TXN2: variants seen among roughly 807,000 people sequenced by gnomAD.
The protein encoded by TXN2 is thioredoxin, mitochondrial.
TXN2 carries 12 observed loss-of-function variants against 14.6 expected under a neutral mutation model. That is an observed-to-expected ratio of 0.82 (90% CI 0.53 to 1.33). TXN2 has a LOEUF of 1.33. Ranked by LOEUF, TXN2 falls within the 40% of genes most tolerant of loss-of-function variation. The pLI is 0.00. For missense variants in TXN2, 173 were observed against 207.7 expected (o/e 0.83, Z 1.03); for synonymous variants, 89 against 81.0 (o/e 1.10, Z -0.53).
At chr22:36,474,380 C>A (rs948627055) in intron 3 of TXN2, among the ~76,000 whole-genome samples, 13 of 152,304 alleles carry the variant, frequency 8.5e-5, no homozygotes, top group African/African-American at 2.9e-4. Context: ...GCTCAAGGGG[C>A]GGCCAGCCTG....
At chr22:36,475,373 T>C (rs1004911775) in intron 3 of TXN2, among the ~76,000 whole-genome samples, 1 of 152,218 alleles carries the variant, frequency 6.6e-6, no homozygotes, top group African/African-American at 2.4e-5. Context: ...AGCAAAACTC[T>C]GTCTCGAAAA....
chr22:36,475,675 C>A (rs1298533927), intron 3 of TXN2, among the ~76,000 whole-genome samples: 1 of 152,100 alleles, frequency 6.6e-6, no homozygotes, highest in Non-Finnish European at 1.5e-5. Context: ...GTTTGCTGAC[C>A]CTTGATTTAA....
intron 3 of TXN2, 91 bp downstream of exon 3, chr22:36,476,642 G>T: frequency 6.5e-7 from 1 of 1,542,030 alleles, no homozygotes. Flanking sequence ...CTGGCTACCT[G>T]TGCTCCCCAA....
At chr22:36,479,252 C>G (rs1933448336) in intron 2 of TXN2, among the ~76,000 whole-genome samples, 1 of 152,018 alleles carries the variant, frequency 6.6e-6, no homozygotes, top group Admixed American at 6.5e-5. Flanking sequence ...CCCAAGGCCA[C>G]AGGGTGAGTC....
intron 1 of TXN2, 62 bp from the exon 2 acceptor site, chr22:36,480,899 G>C: frequency 6.7e-7 from 1 of 1,501,712 alleles, no homozygotes; most frequent in East Asian, 2.3e-5. Context: ...ACTAGAAAAA[G>C]ATTTGGGGAG....
At position 36,467,588 on chromosome 22, in the gene TXN2, G is replaced by A. The variant is rs949741243; in HGVS notation, c.*216C>T. 3.8e-5 allele frequency: 21 copies of A among 548,148 alleles called. No individual in the cohort carries two copies. The highest frequency in any genetic ancestry group is 1.0e-3 in the Middle Eastern group (2 of 2,006). The allele number at this position is 548,148 out of a possible 1,614,324, so 34.0% of individuals were successfully genotyped here. A position where few individuals can be genotyped will look rare whatever the true frequency, so the allele number is the denominator to read the frequency against. On this transcript the variant is annotated 3_prime_UTR_variant, in exon 4 of 4. Transcript: ENST00000216185. ...AGGAGGGATGAAAGGCGTATGGGAG[G>A]GAAGACAGCGGTCCCCGGATCAGCA...
chr22:36,469,885 G>A (rs939090224), intron 3 of TXN2, among the ~76,000 whole-genome samples: 60 of 152,272 alleles, frequency 3.9e-4, no homozygotes, highest in African/African-American at 1.4e-3. Context: ...GAACCCGGGA[G>A]GCAGAGGTTG....
Position 36,480,739 on chromosome 22 carries a change from C to G in TXN2, c.99G>C (p.Gln33His). The change falls in exon 2 of 4, where the codon CAG (glutamine) becomes CAC (histidine). Residue 33 changes from glutamine to histidine, a missense_variant. By Grantham distance (24) the Gln-to-His change is conservative (BLOSUM62 0). Transcript: ENST00000216185. ...GGCCACCAGGACTGCATTGTGGGGT[C>G]TGCAGGGCTCTGGAAGTGAGGGGTG... The part of the protein sequence containing the change: ...QWPPLTSRAL[Q>H]TPQCSPGGLT... The G allele has an allele frequency of 6.2e-7, 1 of 1,614,012 alleles. No individual in the cohort carries two copies. Among genetic ancestry groups the G allele is most frequent in the Middle Eastern group, 1.7e-4 (1 of 6,024 alleles).
At chr22:36,470,894 T>C (rs1933258993) in intron 3 of TXN2, among the ~76,000 whole-genome samples, 2 of 151,988 alleles carry the variant, frequency 1.3e-5, no homozygotes, top group South Asian at 2.1e-4. Context: ...ACAGCAGATG[T>C]GCTGTCAATG....
At position 36,467,900 on chromosome 22, in the gene TXN2, A is replaced by G. The variant is rs767665727; in HGVS notation, c.405T>C (p.Thr135=). 14 of 1,614,096 alleles carry G rather than the reference A, an allele frequency of 8.7e-6. No individual in the cohort carries two copies. The highest frequency in any genetic ancestry group is 2.7e-5 in the African/African-American group (2 of 74,946). Residue 135 remains threonine, a synonymous_variant, in exon 4 of 4, where the codon ACT becomes ACC. Transcript: ENST00000216185. ...AIEYEVSAVP[T]VLAMKNGDVV... ...CGTCCCCATTCTTCATGGCCAGCACAGTGGGCACCGCTGACACCTGGGTGG... is the reference window on the plus strand; with the variant it reads ...CGTCCCCATTCTTCATGGCCAGCACGGTGGGCACCGCTGACACCTGGGTGG...
At chr22:36,480,234 T>C (rs2145828351) in intron 2 of TXN2, among the ~76,000 whole-genome samples, 1 of 152,342 alleles carries the variant, frequency 6.6e-6, no homozygotes, top group South Asian at 2.1e-4. Context: ...GGCAGGATGT[T>C]AACATCAGCT....
Position 36,476,733 on chromosome 22 carries a change from C to G in TXN2, c.387G>C (p.Glu129Asp). Residue 129 changes from glutamate (E) to aspartate (D), a missense_variant and splice_region_variant, in exon 3 of 4, where the codon GAG (glutamate) becomes GAC (aspartate). Transcript: ENST00000216185. ...GTGGCAACTCCCTGTCAATCCATAC[C>G]TCATACTCAATGGCGAGGTCTGTGT... Reference protein sequence around the residue: ...DDHTDLAIEYEVSAVPTVLAM... With the variant: ...DDHTDLAIEYDVSAVPTVLAM... The G allele has an allele frequency of 6.2e-7, 1 of 1,614,172 alleles. No individual in the cohort carries two copies. The highest frequency in any genetic ancestry group is 1.1e-5 in the South Asian group (1 of 91,080).
chr22:36,468,371 T>A (rs763715522), intron 3 of TXN2, among the ~76,000 whole-genome samples: 6 of 152,168 alleles, frequency 3.9e-5, no homozygotes, highest in Non-Finnish European at 8.8e-5. Flanking sequence ...TGAGCCTCAG[T>A]GTCCTTTTCC....
intron 2 of TXN2, among the ~76,000 whole-genome samples, chr22:36,477,881 A>G (rs567356350): frequency 1.3e-5 from 2 of 152,252 alleles, no homozygotes; most frequent in South Asian, 4.1e-4. Context: ...CCACGCCTAT[A>G]ATTCCAGCAC....
intron 2 of TXN2, among the ~76,000 whole-genome samples, chr22:36,478,792 C>A (rs139393145): frequency 1.3e-5 from 2 of 151,856 alleles, no homozygotes; most frequent in Non-Finnish European, 2.9e-5. Context: ...TATGGTGAAA[C>A]CCCGTCTCTA....
chr22:36,473,018 T>G (rs1045841334), intron 3 of TXN2, among the ~76,000 whole-genome samples: 2 of 151,992 alleles, frequency 1.3e-5, no homozygotes, highest in Non-Finnish European at 2.9e-5. Flanking sequence ...AGAAATGCAG[T>G]CTTGGTGGCC....
At chr22:36,481,460 G>A in intron 1 of TXN2, 104 bp downstream of exon 1, 1 of 425,292 alleles carries the variant, frequency 2.4e-6, no homozygotes, top group Non-Finnish European at 3.3e-6. Flanking sequence ...GCTCTCCGGC[G>A]AGCTAGATCC....
chr22:36,472,074 A>T (rs1343154118), intron 3 of TXN2, among the ~76,000 whole-genome samples: 1 of 152,066 alleles, frequency 6.6e-6, no homozygotes, highest in Non-Finnish European at 1.5e-5. Flanking sequence ...AAAGAGAGAG[A>T]GACATCTACT....
At chr22:36,476,653 G>A in intron 3 of TXN2, 80 bp downstream of exon 3, 1 of 1,582,530 alleles carries the variant, frequency 6.3e-7, no homozygotes. Context: ...TGCTCCCCAA[G>A]ATACCTCCTA....
Sources: gnomAD v4.1 joint callset for allele counts (sites outside exome capture counted in the v4.1 genomes callset) on GRCh38, gnomAD v4.1.1 for gene constraint, MANE v1.5 for transcripts, NCBI Gene and HGNC (gene_info 2026-07-23, HGNC 2026-07-21) for gene names.